OSTM1: variants seen among roughly 807,000 people sequenced by gnomAD.
OSTM1 encodes the protein osteopetrosis-associated transmembrane protein 1.
A neutral mutation model predicts 35.4 loss-of-function variants in OSTM1; 26 were observed. That is an observed-to-expected ratio of 0.73 (90% CI 0.54 to 1.02). The LOEUF is 1.02. Among genes scored for constraint, OSTM1 ranks in the 50% least tolerant of loss-of-function variants. OSTM1 has a pLI of 0.00. For missense variants in OSTM1, 366 were observed against 409.6 expected, an observed-to-expected ratio of 0.89 and a Z score of 0.92; for synonymous variants, 181 against 165.0, an observed-to-expected ratio of 1.10 and a Z score of -0.75.
chr6:108,061,596 GC>G (rs1772272611), intron 2 of OSTM1, among the ~76,000 whole-genome samples: 1 of 151,934 alleles, frequency 6.6e-6, no homozygotes, highest in African/African-American at 2.4e-5. Context: ...CACAGTCATA[GC>G]TCAATGTGGC....
chr6:108,048,821 G>A (rs754216162), intron 5 of OSTM1, among the ~76,000 whole-genome samples: 50 of 141,808 alleles, frequency 3.5e-4, no homozygotes, highest in Admixed American at 6.8e-4. Context: ...GTGCGATCTC[G>A]GTTCACTGCA....
At chr6:108,048,737 A>G (rs1772024225) in intron 5 of OSTM1, among the ~76,000 whole-genome samples, 1 of 144,322 alleles carries the variant, frequency 6.9e-6, no homozygotes, top group South Asian at 2.2e-4. Context: ...TCTGAAAGAC[A>G]CTGTGTTTTA....
chr6:108,074,710 G>A lies in OSTM1; in HGVS notation c.-59C>T, dbSNP rs1044487993. On this transcript the variant is annotated 5_prime_UTR_variant, in exon 1 of 6. Coordinates refer to ENST00000193322, the MANE Select transcript of OSTM1 (RefSeq NM_014028.4). ...CGCCTCTCCGCCCCCAGCCGGCACC[G>A]CGGACAGCCGCCGCTTCCGGTTTCC... is the stretch of plus-strand genomic sequence containing the variant. 31 of 1,437,476 alleles carry A rather than the reference G, an allele frequency of 2.2e-5. No individual in the cohort carries two copies. Among genetic ancestry groups the A allele is most frequent in the Admixed American group, 5.6e-5 (2 of 35,680 alleles). 89.0% of individuals were successfully genotyped at this position (1,437,476 alleles called of 1,614,324 possible).
intron 2 of OSTM1, among the ~76,000 whole-genome samples, chr6:108,057,663 T>C (rs1772191220): frequency 6.6e-6 from 1 of 152,224 alleles, no homozygotes; most frequent in African/African-American, 2.4e-5. Flanking sequence ...ATTACATTAA[T>C]GCATTACCAT....
chr6:108,047,535 G>C (rs1293389671), intron 5 of OSTM1, among the ~76,000 whole-genome samples: 1 of 152,206 alleles, frequency 6.6e-6, no homozygotes, highest in African/African-American at 2.4e-5. Context: ...AATTATTCTA[G>C]CCACTATGTG....
intron 1 of OSTM1, among the ~76,000 whole-genome samples, chr6:108,071,150 T>C (rs1582400240): frequency 6.6e-6 from 1 of 151,124 alleles, no homozygotes; most frequent in Non-Finnish European, 1.5e-5. Context: ...ATTATGCCAC[T>C]GCACTCCAGC....
At chr6:108,067,518 GAC>G (rs1772399641) in intron 1 of OSTM1, among the ~76,000 whole-genome samples, 1 of 138,366 alleles carries the variant, frequency 7.2e-6, no homozygotes, top group African/African-American at 2.6e-5. Flanking sequence ...GGAATGGAGG[GAC>G]AGGGGAATGG....
At chr6:108,045,113 T>C (rs2114586799) in intron 5 of OSTM1, among the ~76,000 whole-genome samples, 1 of 152,298 alleles carries the variant, frequency 6.6e-6, no homozygotes, top group Admixed American at 6.5e-5. Context: ...CTTAAATATG[T>C]AATGTACGTG....
intron 1 of OSTM1, among the ~76,000 whole-genome samples, chr6:108,072,741 GATTTTTATTTT>G (rs963047013): frequency 6.6e-6 from 1 of 151,680 alleles, no homozygotes; most frequent in African/African-American, 2.4e-5. Context: ...TAAAATGACA[GATTTTTATTTT>G]ATTTTTATTT....
intron 2 of OSTM1, among the ~76,000 whole-genome samples, chr6:108,059,370 A>G (rs945775443): frequency 4.6e-5 from 7 of 152,182 alleles, no homozygotes; most frequent in Admixed American, 4.6e-4. Context: ...TTGACCTTCC[A>G]TCAATTTCCA....
intron 3 of OSTM1, among the ~76,000 whole-genome samples, chr6:108,051,941 A>G (rs1772080858): frequency 6.6e-6 from 1 of 152,208 alleles, no homozygotes; most frequent in African/African-American, 2.4e-5. Context: ...TTTATTCTTT[A>G]CTTTGTAGTA....
intron 1 of OSTM1, among the ~76,000 whole-genome samples, chr6:108,069,475 A>G (rs1240751244): frequency 6.6e-6 from 1 of 151,982 alleles, no homozygotes; most frequent in Non-Finnish European, 1.5e-5. Flanking sequence ...ATACACAGAT[A>G]CATAGATAGA....
intron 2 of OSTM1, among the ~76,000 whole-genome samples, chr6:108,061,477 GTT>G (rs5878958): frequency 2.9e-4 from 41 of 142,100 alleles, no homozygotes; most frequent in African/African-American, 7.8e-4. Flanking sequence ...GATCTTTGTA[GTT>G]TTTTTTTTTT....
intron 3 of OSTM1, 140 bp from the exon 4 acceptor site, chr6:108,051,338 T>C: frequency 1.6e-6 from 1 of 640,686 alleles, no homozygotes; most frequent in South Asian, 2.0e-5. Flanking sequence ...AGTAGGTTAC[T>C]AAATCACTCT....
In OSTM1 at chr6:108,060,337, C is replaced by T. The variant is rs529707064; in HGVS notation, c.517+3848G>A. ...TTTATTCTAAAGCATTTTATACCTG[C>T]CATACTGAGTATGCGGTAAAACGTT... On this transcript the variant is annotated intron_variant, in intron 2 of 5. Transcript: ENST00000193322. 3.9e-5 allele frequency among the ~76,000 whole-genome samples: 6 copies of T among 152,254 alleles called. No homozygotes were observed. In the South Asian group the frequency reaches 1.2e-3, roughly 32 times the overall value.
At chr6:108,073,608 C>G (rs2114615342) in intron 1 of OSTM1, 1 of 152,474 alleles carries the variant, frequency 6.6e-6, no homozygotes, top group Non-Finnish European at 1.5e-5. Context: ...AGTAAACAGG[C>G]ACAGAGAATG....
intron 1 of OSTM1, among the ~76,000 whole-genome samples, chr6:108,066,170 T>C (rs781117025): frequency 1.5e-4 from 23 of 152,224 alleles, no homozygotes; most frequent in Non-Finnish European, 2.9e-4. Context: ...TTAAGATTTA[T>C]GAGGAGGGTG....
At chr6:108,053,831 T>C (rs1046445137) in intron 3 of OSTM1, among the ~76,000 whole-genome samples, 2 of 152,210 alleles carry the variant, frequency 1.3e-5, no homozygotes, top group African/African-American at 2.4e-5. Context: ...GAAGAAATCA[T>C]ACATGCTTAT....
At chr6:108,060,518 G>A (rs954284524) in intron 2 of OSTM1, among the ~76,000 whole-genome samples, 11 of 152,234 alleles carry the variant, frequency 7.2e-5, no homozygotes, top group Admixed American at 5.2e-4. Context: ...AGGAATCCGA[G>A]ACCAGCCTGG....
Sources: allele counts gnomAD v4.1 joint callset (sites outside exome capture counted in the v4.1 genomes callset), GRCh38; gene constraint gnomAD v4.1.1; transcripts MANE v1.5; gene names NCBI Gene and HGNC (gene_info 2026-07-23, HGNC 2026-07-21).